The following NPAS3 variants were observed in gnomAD, a reference collection of about 807,000 sequenced individuals.
NPAS3 encodes the protein neuronal PAS domain protein 3, also known as neuronal PAS domain-containing protein 3.
Under a neutral mutation model 73.1 loss-of-function variants are expected in NPAS3, and 14 were observed. The observed-to-expected ratio is 0.19, with a 90% confidence interval of 0.13 to 0.30. The LOEUF (loss-of-function observed/expected upper bound fraction) is 0.30, where lower values mean the gene tolerates loss of function less well. Among genes scored for constraint, NPAS3 ranks in the 10% least tolerant of loss-of-function variants. The pLI is 1.00. For missense variants in NPAS3, 1,096 were observed against 1,250.0 expected, an observed-to-expected ratio of 0.88 and a Z score of 1.86; for synonymous variants, 620 against 541.5, an observed-to-expected ratio of 1.14 and a Z score of -2.01.
chr14:33,632,739 G>A lies in NPAS3; in HGVS notation c.559-43472G>A, dbSNP rs539948075. Among the ~76,000 whole-genome samples the A allele has an allele frequency of 4.6e-5, 7 of 152,280 alleles. No homozygotes were observed. In the East Asian group the frequency reaches 5.8e-4, roughly 13 times the overall value. Reference sequence around the variant, plus strand: ...ACTCATGCATTCATGCAGAGGAAACGCTCTTTTTTACCAACTCATACTGGA... The same window carrying A: ...ACTCATGCATTCATGCAGAGGAAACACTCTTTTTTACCAACTCATACTGGA... On this transcript the variant is annotated intron_variant, in intron 5 of 11. Transcript: ENST00000356141.
At position 33,528,179 on chromosome 14, in the gene NPAS3, G is replaced by A. The variant is rs922848738; in HGVS notation, c.469-31942G>A. Among the ~76,000 whole-genome samples the A allele has an allele frequency of 4.6e-5, 7 of 151,962 alleles. No homozygotes were observed. The South Asian group carries it at 6.2e-4, about 14-fold the overall frequency. On this transcript the variant is annotated intron_variant, in intron 4 of 11. Coordinates refer to ENST00000356141, the Ensembl canonical transcript of NPAS3. ...TCTTTTATTGTGTGTGTGGAAGGAG[G>A]GGTGAAGAAGGAATAGAGACTCCAC... is the stretch of plus-strand genomic sequence containing the variant.
intron 1 of NPAS3, among the ~76,000 whole-genome samples, chr14:32,988,550 T>C (rs1032569726): frequency 6.6e-6 from 1 of 152,224 alleles, no homozygotes; most frequent in Admixed American, 6.5e-5. Flanking sequence ...TGGTCTGTTG[T>C]TATATGAGAG....
intron 4 of NPAS3, among the ~76,000 whole-genome samples, chr14:33,493,854 A>G (rs980711111): frequency 2.0e-5 from 3 of 152,102 alleles, no homozygotes; most frequent in Admixed American, 6.6e-5. Context: ...CCTTTTTTGA[A>G]AAGGAAATTA....
intron 2 of NPAS3, among the ~76,000 whole-genome samples, chr14:33,129,466 A>G (rs1209046611): frequency 1.3e-5 from 2 of 152,196 alleles, no homozygotes; most frequent in African/African-American, 2.4e-5. Context: ...CCTGTTCCTC[A>G]TAAGTAGATC....
At chr14:33,421,399 G>C (rs1428398777) in intron 4 of NPAS3, among the ~76,000 whole-genome samples, 2 of 151,824 alleles carry the variant, frequency 1.3e-5, no homozygotes, top group South Asian at 4.2e-4. Context: ...CTAAATTTTT[G>C]CTGGGGTGAG....
chr14:33,383,741 G>C (rs2046655941), intron 4 of NPAS3, among the ~76,000 whole-genome samples: 1 of 152,146 alleles, frequency 6.6e-6, no homozygotes, highest in South Asian at 2.1e-4. Context: ...CAAAAGAATA[G>C]AGATTTTCCA....
At chr14:33,769,745 A>ATTTTTTTTTTTTTTTTTTTTTTTTTTTT (rs5807743) in intron 7 of NPAS3, among the ~76,000 whole-genome samples, 1 of 103,354 alleles carries the variant, frequency 9.7e-6, no homozygotes, top group Non-Finnish European at 1.9e-5. Context: ...AAAGACTTGG[A>ATTTTTTTTTTTTTTTTTTTTTTTTTTTT]TTTTTTTTTT....
intron 3 of NPAS3, among the ~76,000 whole-genome samples, chr14:33,301,410 C>T (rs1350435867): frequency 1.3e-5 from 2 of 148,988 alleles, no homozygotes; most frequent in Non-Finnish European, 3.0e-5. Context: ...CTAGCTCCTG[C>T]TCAAAAGAAG....
intron 3 of NPAS3, among the ~76,000 whole-genome samples, chr14:33,258,451 T>C (rs1566731912): frequency 6.6e-6 from 1 of 152,178 alleles, no homozygotes; most frequent in African/African-American, 2.4e-5. Flanking sequence ...CCAAGTTCTT[T>C]TAAGGGAGTA....
At chr14:33,070,339 G>A (rs928955039) in intron 2 of NPAS3, among the ~76,000 whole-genome samples, 2 of 151,554 alleles carry the variant, frequency 1.3e-5, no homozygotes, top group South Asian at 4.2e-4. Flanking sequence ...CAACTATATG[G>A]CCTCCAAATC....
intron 9 of NPAS3, among the ~76,000 whole-genome samples, chr14:33,792,486 G>T (rs944294895): frequency 6.6e-6 from 1 of 151,222 alleles, no homozygotes; most frequent in Admixed American, 6.6e-5. Flanking sequence ...TCAGAGCCAG[G>T]AAGAGTGGCT....
intron 4 of NPAS3, among the ~76,000 whole-genome samples, chr14:33,473,387 T>C (rs551224358): frequency 6.6e-6 from 1 of 152,296 alleles, no homozygotes; most frequent in East Asian, 1.9e-4. Flanking sequence ...AGGAAAGAAG[T>C]TGATGAATTT....
intron 4 of NPAS3, among the ~76,000 whole-genome samples, chr14:33,502,147 A>C (rs2052546961): frequency 6.6e-6 from 1 of 151,950 alleles, no homozygotes; most frequent in Non-Finnish European, 1.5e-5. Flanking sequence ...AATACACTGA[A>C]AGTCTGCTAA....
intron 4 of NPAS3, among the ~76,000 whole-genome samples, chr14:33,445,605 C>A (rs1404305118): frequency 6.6e-6 from 1 of 152,198 alleles, no homozygotes; most frequent in Non-Finnish European, 1.5e-5. Flanking sequence ...CTTTCTCATA[C>A]CAAGCCATAA....
intron 1 of NPAS3, among the ~76,000 whole-genome samples, chr14:32,955,096 T>G (rs1043596319): frequency 2.0e-5 from 3 of 152,138 alleles, no homozygotes; most frequent in Non-Finnish European, 2.9e-5. Context: ...TGTAGCTCAC[T>G]TAAAAGGCTT....
chr14:33,673,950 A>G (rs2059682166), intron 5 of NPAS3, among the ~76,000 whole-genome samples: 1 of 152,210 alleles, frequency 6.6e-6, no homozygotes, highest in South Asian at 2.1e-4. Context: ...ACACTATGAT[A>G]GTGTCAAACT....
intron 2 of NPAS3, among the ~76,000 whole-genome samples, chr14:33,159,997 A>AT (rs1356074021): frequency 2.6e-5 from 4 of 152,210 alleles, no homozygotes; most frequent in African/African-American, 9.7e-5. Context: ...ACAAATTTAA[A>AT]TTTTTTAAAA....
At chr14:33,388,765 T>C (rs1440625979) in intron 4 of NPAS3, among the ~76,000 whole-genome samples, 1 of 152,156 alleles carries the variant, frequency 6.6e-6, no homozygotes, top group African/African-American at 2.4e-5. Flanking sequence ...TAGGAAATGA[T>C]AGAACCTGAA....
chr14:33,782,434 C>T (rs2063006042), intron 9 of NPAS3, among the ~76,000 whole-genome samples: 2 of 152,206 alleles, frequency 1.3e-5, no homozygotes, highest in South Asian at 2.1e-4. Context: ...GAGATGCATG[C>T]TTTGCACTGC....
Sources: allele counts gnomAD v4.1 joint callset (sites outside exome capture counted in the v4.1 genomes callset), GRCh38; gene constraint gnomAD v4.1.1; transcripts MANE v1.5; gene names NCBI Gene and HGNC (gene_info 2026-07-23, HGNC 2026-07-21).